ZC3H12A: variants seen among roughly 807,000 people sequenced by gnomAD.
ZC3H12A encodes endoribonuclease ZC3H12A.
Under a neutral mutation model 29.9 loss-of-function variants are expected in ZC3H12A, and 9 were observed. The observed-to-expected ratio is 0.30, with a 90% CI of 0.18 to 0.53. ZC3H12A has a LOEUF of 0.53. Among genes scored for constraint, ZC3H12A ranks in the 20% least tolerant of loss-of-function variants. ZC3H12A has a pLI of 0.96. For missense variants in ZC3H12A, 617 were observed against 799.0 expected (o/e 0.77, Z 2.75); for synonymous variants, 323 against 338.1 (o/e 0.96, Z 0.49).
At chr1:37,474,846 C>G (rs1641548157) in intron 1 of ZC3H12A, among the ~76,000 whole-genome samples, 1 of 152,164 alleles carries the variant, frequency 6.6e-6, no homozygotes. Flanking sequence ...GCACCAGGTT[C>G]CTGATCGGGA....
Position 37,475,885 on chromosome 1 carries a change from A to T in ZC3H12A, c.389A>T (p.Lys130Met), listed in dbSNP as rs1641578795. ...NLEPPLPEEE[K>M]EGSDLRPVVI... ...GAGCCTCCACTCCCAGAAGAGGAAA[A>T]GGAGGGCAGCGACCTGAGACCAGTG... Residue 130 changes from lysine to methionine, a missense_variant, in exon 2 of 6, where the codon AAG becomes ATG. Transcript: ENST00000373087. The surrounding 1 kb of genome is among the most constrained non-coding windows in gnomAD (Gnocchi z 5.2). The T allele has an allele frequency of 6.5e-7, 1 of 1,543,378 alleles. No individual in the cohort carries two copies. The highest frequency in any genetic ancestry group is 1.4e-5 in the African/African-American group (1 of 72,836).
At chr1:37,481,911 G>C in intron 4 of ZC3H12A, 76 bp downstream of exon 4, 1 of 1,464,556 alleles carries the variant, frequency 6.8e-7, no homozygotes, top group Non-Finnish European at 9.4e-7. Flanking sequence ...CAAGGGTGGA[G>C]CTGGGGGCTG....
intron 3 of ZC3H12A, 82 bp downstream of exon 3, chr1:37,480,511 C>A: frequency 6.7e-7 from 1 of 1,492,234 alleles, no homozygotes; most frequent in Non-Finnish European, 9.0e-7. Context: ...CTGGGAGTGA[C>A]CTACAACTTC....
In ZC3H12A at chr1:37,481,705, G is replaced by A. The variant is rs747178286; in HGVS notation, c.688G>A (p.Val230Met). 1 of 1,614,244 alleles carries A rather than the reference G, an allele frequency of 6.2e-7. No individual in the cohort carries two copies. The highest frequency in any genetic ancestry group is 1.7e-5 in the Admixed American group (1 of 60,034). Residue 230 changes from valine (V) to methionine (M), a missense_variant, in exon 4 of 6, where the codon GTG (valine) becomes ATG (methionine). Val to Met is a conservative substitution (Grantham distance 21). This residue lies in a region of ZC3H12A where 255 missense variants were observed against 402.5 expected (regional missense o/e 0.63). Coordinates refer to ENST00000373087, the MANE Select transcript of ZC3H12A (RefSeq NM_025079.3). ...RVVCYDDRFI[V>M]KLAYESDGIV... ...GGTGTGCTATGACGACAGATTCATT[G>A]TGAAGCTGGCCTACGAGTCTGACGG...
At chr1:37,477,704 G>T (rs962881127) in intron 2 of ZC3H12A, among the ~76,000 whole-genome samples, 2 of 152,236 alleles carry the variant, frequency 1.3e-5, no homozygotes, top group African/African-American at 4.8e-5. Context: ...TGTCTGCTTA[G>T]CCCGGCTGGG....
intron 2 of ZC3H12A, among the ~76,000 whole-genome samples, chr1:37,477,248 A>T (rs1376081544): frequency 1.3e-5 from 2 of 151,960 alleles, no homozygotes; most frequent in East Asian, 3.9e-4. Context: ...CTTCCTCTGG[A>T]GGTATGGGCC....
In ZC3H12A at chr1:37,483,168, G is replaced by A. The variant is rs766070801; in HGVS notation, c.1357G>A (p.Val453Ile). 11 of 1,613,366 alleles carry A rather than the reference G, an allele frequency of 6.8e-6. No individual in the cohort carries two copies. The highest frequency in any genetic ancestry group is 6.7e-5 in the African/African-American group (5 of 74,916). ...LESQMSELWG[V>I]RGGGPGEPGP... Reference sequence around the variant, plus strand: ...GAGCCAGATGTCGGAACTTTGGGGGGTTCGAGGAGGAGGCCCTGGTGAGCC... The same window carrying A: ...GAGCCAGATGTCGGAACTTTGGGGGATTCGAGGAGGAGGCCCTGGTGAGCC... Residue 453 changes from valine to isoleucine, a missense_variant, in exon 6 of 6, where the codon GTT becomes ATT. Coordinates refer to ENST00000373087, the MANE Select transcript of ZC3H12A (RefSeq NM_025079.3).
Position 37,475,610 on chromosome 1 carries a change from G to A in ZC3H12A, c.114G>A (p.Leu38=), listed in dbSNP as rs763638714. 8 of 1,613,966 alleles carry A rather than the reference G, an allele frequency of 5.0e-6. No individual in the cohort carries two copies. The Admixed American group carries it at 6.7e-5, about 13-fold the overall frequency. ...RQGTPRPGQE[L]AAEEASALEL... ...GCACCCCAAGGCCGGGTCAAGAGCT[G>A]GCCGCTGAGGAGGCCTCGGCCCTGG... The change falls in exon 2 of 6, where the codon CTG becomes CTA. Residue 38 remains leucine (L), a synonymous_variant. Transcript: ENST00000373087. This position sits in a 1 kb window ranked among gnomAD's most constrained non-coding sequence, Gnocchi z 5.2.
rs1641664608 is a variant in ZC3H12A, at chr1:37,479,820, G to A, written c.444-470G>A. On this transcript the variant is annotated intron_variant, in intron 2 of 5. Transcript: ENST00000373087. The surrounding 1 kb of genome is among the most constrained non-coding windows in gnomAD (Gnocchi z 4.5). ...CACCCACGCTGCAAGAGGCGAGGGA[G>A]GGGTGGTGACTCAGTGTGCATGTGT... 2.0e-6 allele frequency: 2 copies of A among 985,330 alleles called. No homozygotes were observed. Among genetic ancestry groups the A allele is most frequent in the Non-Finnish European group, 2.4e-6 (2 of 829,938 alleles). 61.0% of individuals were successfully genotyped at this position (985,330 alleles called of 1,614,324 possible).
At chr1:37,477,316 G>A (rs1344564390) in intron 2 of ZC3H12A, among the ~76,000 whole-genome samples, 1 of 152,200 alleles carries the variant, frequency 6.6e-6, no homozygotes, top group Non-Finnish European at 1.5e-5. Context: ...TCCAGAAGGA[G>A]GAGGGACATG....
rs371763087 is a variant in ZC3H12A at position 37,483,353 on chromosome 1, C to T, written c.1542C>T (p.Tyr514=). 1.2e-6 allele frequency: 2 copies of T among 1,614,050 alleles called. No homozygotes were observed. Among genetic ancestry groups the T allele is most frequent in the Non-Finnish European group, 1.7e-6 (2 of 1,180,024 alleles). ...PAPPAFPPRE[Y]WSEPYPLPPP... Reference sequence around the variant, plus strand: ...CCCCTGCCTTTCCACCTCGAGAGTACTGGTCTGAACCATACCCACTGCCCC... The same window carrying T: ...CCCCTGCCTTTCCACCTCGAGAGTATTGGTCTGAACCATACCCACTGCCCC... The change falls in exon 6 of 6, where the codon TAC becomes TAT. Residue 514 remains tyrosine (Y), a synonymous_variant. Transcript: ENST00000373087.
chr1:37,479,457 G>A lies in ZC3H12A; in HGVS notation c.444-833G>A, dbSNP rs1395312732. ...CCACCTGTGGGTGGGGCGCGGCCTC[G>A]TCTGAGACCAAGGCAGGGCCCATGC... On this transcript the variant is annotated intron_variant, in intron 2 of 5. Coordinates refer to ENST00000373087, the MANE Select transcript of ZC3H12A (RefSeq NM_025079.3). This position sits in a 1 kb window ranked among gnomAD's most constrained non-coding sequence, Gnocchi z 4.5. 3.2e-5 allele frequency: 32 copies of A among 985,312 alleles called. No individual in the cohort carries two copies. Among genetic ancestry groups the A allele is most frequent in the African/African-American group, 5.2e-5 (3 of 57,230 alleles). 61.0% of individuals were successfully genotyped at this position (985,312 alleles called of 1,614,324 possible).
At position 37,476,867 on chromosome 1, in the gene ZC3H12A, C is replaced by G. The variant is rs1261393940; in HGVS notation, c.443+928C>G. On this transcript the variant is annotated intron_variant, in intron 2 of 5. Transcript: ENST00000373087. The surrounding 1 kb of genome is among the most constrained non-coding windows in gnomAD (Gnocchi z 6.0). ...TCCTGTTGGCATGGACGGGGAGACC[C>G]CAGACACAGGGTTGAGAAGGGATGA... 6.6e-6 allele frequency among the ~76,000 whole-genome samples: 1 copy of G among 152,190 alleles called. No homozygotes were observed. Among genetic ancestry groups the G allele is most frequent in the African/African-American group, 2.4e-5 (1 of 41,448 alleles).
rs780002648 is a variant in ZC3H12A, at chr1:37,475,473, C to T, written c.-24C>T. ...TGGTTGTTCAGTAGGAGCTGTGGCG[C>T]GGGGCCTTCCAGGAGTCTGAGCTAT... On this transcript the variant is annotated 5_prime_UTR_variant, in exon 2 of 6. Transcript: ENST00000373087. The surrounding 1 kb of genome is among the most constrained non-coding windows in gnomAD (Gnocchi z 5.2). The T allele has an allele frequency of 3.3e-5, 52 of 1,575,692 alleles. No homozygotes were observed. The highest frequency in any genetic ancestry group is 1.4e-4 in the Admixed American group (8 of 57,040).
intron 2 of ZC3H12A, 119 bp from the exon 3 acceptor site, chr1:37,480,171 C>A: frequency 2.0e-6 from 3 of 1,483,086 alleles, no homozygotes; most frequent in Non-Finnish European, 2.7e-6. Context: ...AGGGACTGCT[C>A]ACTACCACCA....
chr1:37,481,788 G>C lies in ZC3H12A; in HGVS notation c.771G>C (p.Lys257Asn). ...RDLQGERQEW[K>N]RFIEERLLMY... is the part of the protein sequence containing the mutation. ...TCCAAGGCGAGCGGCAGGAGTGGAA[G>C]CGCTTCATCGAGGAGCGGCTGCTCA... is the stretch of plus-strand genomic sequence containing the variant. Residue 257 changes from lysine to asparagine, a missense_variant, in exon 4 of 6, where the codon AAG becomes AAC. Physicochemically the swap from Lys to Asn is moderately conservative, Grantham distance 94. Transcript: ENST00000373087. 6.2e-7 allele frequency: 1 copy of C among 1,614,244 alleles called. No individual in the cohort carries two copies. The highest frequency in any genetic ancestry group is 8.5e-7 in the Non-Finnish European group (1 of 1,180,042).
rs1388273639 is a variant in ZC3H12A at position 37,483,133 on chromosome 1, G to A, written c.1322G>A (p.Gly441Asp). 2 of 1,613,544 alleles carry A rather than the reference G, an allele frequency of 1.2e-6. No homozygotes were observed. Among genetic ancestry groups the A allele is most frequent in the South Asian group, 1.1e-5 (1 of 91,090 alleles). Residue 441 changes from glycine (G) to aspartate (D), a missense_variant, in exon 6 of 6, where the codon GGC (glycine) becomes GAC (aspartate). Coordinates refer to ENST00000373087, the MANE Select transcript of ZC3H12A (RefSeq NM_025079.3). ...CAGGATTGCCTGGACTCGGGCATTG[G>A]CTCCCTGGAGAGCCAGATGTCGGAA... ...VSQDCLDSGI[G>D]SLESQMSELW...
chr1:37,475,976 C>G lies in ZC3H12A; in HGVS notation c.443+37C>G, dbSNP rs143373654. The stretch of plus-strand genomic sequence containing the variant: ...TTCTGTGGCCAGGACACATGAGGTT[C>G]GCATCTCTCCTGTGGCCAGGACACA... On this transcript the variant is annotated intron_variant, in intron 2 of 5. Coordinates refer to ENST00000373087, the MANE Select transcript of ZC3H12A (RefSeq NM_025079.3). The surrounding 1 kb of genome is among the most constrained non-coding windows in gnomAD (Gnocchi z 5.2). The G allele has an allele frequency of 6.8e-7, 1 of 1,472,680 alleles. No homozygotes were observed. Among genetic ancestry groups the G allele is most frequent in the Non-Finnish European group, 9.0e-7 (1 of 1,115,792 alleles). 91.2% of individuals were successfully genotyped at this position (1,472,680 alleles called of 1,614,324 possible).
Position 37,480,399 on chromosome 1 carries a change from G to A in ZC3H12A, c.553G>A (p.Glu185Lys), listed in dbSNP as rs1210263301. ...ITVFVPSWRK[E>K]QPRPDVPITD... is the part of the protein sequence containing the mutation. ...AGTGTTTGTGCCATCCTGGAGGAAG[G>A]AGCAGCCTCGGCCCGACGTGCCCAT... Residue 185 changes from glutamate (E) to lysine (K), a missense_variant, in exon 3 of 6, where the codon GAG (glutamate) becomes AAG (lysine). Glu to Lys is a moderately conservative substitution (Grantham distance 56). This residue lies in a region of ZC3H12A where 255 missense variants were observed against 402.5 expected (regional missense o/e 0.63). Transcript: ENST00000373087. 3.1e-6 allele frequency: 5 copies of A among 1,613,780 alleles called. No individual in the cohort carries two copies. The highest frequency in any genetic ancestry group is 2.7e-5 in the African/African-American group (2 of 74,936).
Sources: gnomAD v4.1 joint callset for allele counts (sites outside exome capture counted in the v4.1 genomes callset) on GRCh38, gnomAD v4.1.1 for gene constraint, gnomAD v4.1.1 regional missense constraint, Gnocchi (gnomAD v3.1) non-coding constraint, MANE v1.5 for transcripts, NCBI Gene and HGNC (gene_info 2026-07-23, HGNC 2026-07-21) for gene names.